Variants in MANBA observed in about 807,000 individuals in gnomAD.
The protein encoded by MANBA is mannosidase beta.
MANBA carries 83 observed loss-of-function variants against 111.1 expected under a neutral mutation model. The ratio of observed to expected loss-of-function variants is 0.75; its 90% CI spans 0.63 to 0.90. The LOEUF (loss-of-function observed/expected upper bound fraction) is 0.90. Among genes scored for constraint, MANBA ranks in the 40% least tolerant of loss-of-function variants. The pLI is 0.00. For synonymous variants in MANBA, 370 were observed against 378.7 expected (o/e 0.98, Z 0.27); for missense variants, 1,036 against 1,069.0 (o/e 0.97, Z 0.43).
chr4:102,652,084 C>A (rs942586288), intron 12 of MANBA, among the ~76,000 whole-genome samples: 4 of 152,150 alleles, frequency 2.6e-5, no homozygotes, highest in African/African-American at 9.7e-5. Context: ...AAACATTTAT[C>A]ATTTCTTTGT....
chr4:102,708,319 G>A (rs111536675), intron 5 of MANBA, among the ~76,000 whole-genome samples: 6,028 of 151,980 alleles, frequency 0.04, 402 homozygotes, highest in African/African-American at 0.14. Context: ...AGACCACAAC[G>A]GAATAAAACT....
intron 10 of MANBA, 55 bp from the exon 11 acceptor site, chr4:102,664,907 G>A: frequency 2.2e-6 from 3 of 1,372,248 alleles, no homozygotes; most frequent in East Asian, 4.6e-5. Flanking sequence ...AAAAAATTCA[G>A]AGCTATAATT....
At chr4:102,721,828 G>C (rs1722589153) in intron 4 of MANBA, among the ~76,000 whole-genome samples, 1 of 151,946 alleles carries the variant, frequency 6.6e-6, no homozygotes, top group Non-Finnish European at 1.5e-5. Context: ...TAGAGTTAGA[G>C]ACCAGCCTGG....
intron 13 of MANBA, 130 bp downstream of exon 13, chr4:102,650,407 A>G: frequency 2.1e-6 from 2 of 957,160 alleles, no homozygotes; most frequent in Non-Finnish European, 3.3e-6. Flanking sequence ...ATGTTCTTTG[A>G]AGAAAATAAA....
intron 5 of MANBA, among the ~76,000 whole-genome samples, chr4:102,696,814 A>G (rs1732731218): frequency 1.3e-5 from 2 of 152,208 alleles, no homozygotes; most frequent in South Asian, 2.1e-4. Flanking sequence ...AGTTATGTGC[A>G]TTTAAAGAAA....
chr4:102,702,604 G>T (rs1198590866), intron 5 of MANBA, among the ~76,000 whole-genome samples: 1 of 152,090 alleles, frequency 6.6e-6, no homozygotes, highest in Non-Finnish European at 1.5e-5. Context: ...AGGTCTGTTG[G>T]AGTTTGCTAG....
intron 9 of MANBA, among the ~76,000 whole-genome samples, chr4:102,669,723 G>C (rs1731402426): frequency 6.6e-6 from 1 of 152,180 alleles, no homozygotes; most frequent in South Asian, 2.1e-4. Flanking sequence ...GCTCACGCCT[G>C]TAATCCCAGA....
At chr4:102,644,122 C>T (rs1479924974) in intron 13 of MANBA, among the ~76,000 whole-genome samples, 2 of 152,062 alleles carry the variant, frequency 1.3e-5, no homozygotes. Context: ...TGTGGATATC[C>T]AATTGTTCCA....
intron 2 of MANBA, among the ~76,000 whole-genome samples, chr4:102,726,373 C>A (rs1722800376): frequency 6.6e-6 from 1 of 152,020 alleles, no homozygotes; most frequent in South Asian, 2.1e-4. Flanking sequence ...ATTAGTAGCA[C>A]CATCCTCATA....
At chr4:102,674,217 G>C (rs1056339709) in intron 7 of MANBA, 147 bp from the exon 8 acceptor site, 3 of 637,536 alleles carry the variant, frequency 4.7e-6, no homozygotes, top group African/African-American at 1.8e-5. Flanking sequence ...ATGTGGAAAT[G>C]CACATTTCAG....
At chr4:102,676,933 C>G (rs1398336210) in intron 7 of MANBA, among the ~76,000 whole-genome samples, 1 of 150,402 alleles carries the variant, frequency 6.6e-6, no homozygotes, top group African/African-American at 2.5e-5. Flanking sequence ...GAAAAAAAAA[C>G]AGTTTCACTT....
intron 5 of MANBA, among the ~76,000 whole-genome samples, chr4:102,699,589 G>A (rs1732914228): frequency 6.6e-6 from 1 of 150,898 alleles, no homozygotes; most frequent in Non-Finnish European, 1.5e-5. Context: ...TTTTGTCAAA[G>A]GCCTTTTCTG....
At chr4:102,708,687 A>C (rs79158532) in intron 5 of MANBA, among the ~76,000 whole-genome samples, 13 of 152,210 alleles carry the variant, frequency 8.5e-5, no homozygotes, top group African/African-American at 2.9e-4. Flanking sequence ...GACAAAAAAA[A>C]CAGCAAAGGA....
chr4:102,754,337 T>C (rs773312397), intron 1 of MANBA, among the ~76,000 whole-genome samples: 1 of 151,986 alleles, frequency 6.6e-6, no homozygotes, highest in Non-Finnish European at 1.5e-5. Flanking sequence ...AATAAAGATG[T>C]ACAGTAAAAT....
chr4:102,757,570 T>G (rs189770852), intron 1 of MANBA, among the ~76,000 whole-genome samples: 2 of 152,326 alleles, frequency 1.3e-5, no homozygotes, highest in African/African-American at 4.8e-5. Flanking sequence ...CAAATCCAAC[T>G]GAAGAAATCC....
At chr4:102,753,373 T>C (rs1487606589) in intron 1 of MANBA, among the ~76,000 whole-genome samples, 2 of 152,144 alleles carry the variant, frequency 1.3e-5, no homozygotes, top group Non-Finnish European at 2.9e-5. Context: ...CAATGAACAC[T>C]ACATAAATAC....
chr4:102,653,603 A>G (rs185089870), intron 12 of MANBA, among the ~76,000 whole-genome samples: 128 of 152,312 alleles, frequency 8.4e-4, no homozygotes, highest in African/African-American at 3.0e-3. Flanking sequence ...CAAATTCTCA[A>G]CTAAGCAGTG....
chr4:102,710,200 G>T (rs989020551), intron 5 of MANBA, among the ~76,000 whole-genome samples: 1 of 151,876 alleles, frequency 6.6e-6, no homozygotes, highest in Non-Finnish European at 1.5e-5. Flanking sequence ...GTACCAAATT[G>T]GAAAAGAGGA....
intron 10 of MANBA, chr4:102,667,372 T>C (rs946044876): frequency 2.1e-5 from 3 of 142,582 alleles, no homozygotes; most frequent in Admixed American, 7.2e-5. Flanking sequence ...ACTAGTAACA[T>C]TGATATCAAA....
Sources: allele counts gnomAD v4.1 joint callset (sites outside exome capture counted in the v4.1 genomes callset), GRCh38; gene constraint gnomAD v4.1.1; transcripts MANE v1.5; gene names NCBI Gene and HGNC (gene_info 2026-07-23, HGNC 2026-07-21).